Variants in AP4E1 observed in about 807,000 individuals in gnomAD.
The protein encoded by AP4E1 is adaptor related protein complex 4 subunit epsilon 1.
AP4E1 carries 56 observed loss-of-function variants against 128.2 expected under a neutral mutation model. That is an observed-to-expected ratio of 0.44 (90% CI 0.35 to 0.55). The LOEUF is 0.55. AP4E1 is among the 20% of genes least tolerant of loss of function. The pLI is 0.00. For synonymous variants in AP4E1, 484 were observed against 473.1 expected, an observed-to-expected ratio of 1.02 and a Z score of -0.30; for missense variants, 1,324 against 1,307.7, an observed-to-expected ratio of 1.01 and a Z score of -0.19.
intron 1 of AP4E1, 31 bp from the exon 2 acceptor site, chr15:50,912,047 A>T (rs772855807): frequency 6.5e-7 from 1 of 1,539,512 alleles, no homozygotes. Context: ...AAGACAGTTA[A>T]TCAAGCATTT....
intron 8 of AP4E1, 140 bp from the exon 9 acceptor site, chr15:50,941,302 T>G: frequency 1.1e-6 from 1 of 914,284 alleles, no homozygotes; most frequent in Non-Finnish European, 1.7e-6. Context: ...AGTAGTAGCG[T>G]TTGTTTCTGT....
intron 17 of AP4E1, among the ~76,000 whole-genome samples, chr15:50,996,133 C>T (rs1204360759): frequency 6.7e-6 from 1 of 149,242 alleles, no homozygotes; most frequent in Non-Finnish European, 1.5e-5. Flanking sequence ...GGATTACAGG[C>T]ATGCGCTACC....
chr15:50,958,769 T>C lies in AP4E1; in HGVS notation c.1826T>C (p.Val609Ala). The change falls in exon 14 of 21, where the codon GTT becomes GCT. Residue 609 changes from valine (V) to alanine (A), a missense_variant. By Grantham distance (64) the Val-to-Ala change is moderately conservative. Transcript: ENST00000261842. ...GAACTTATGAAGAGCTTGCTTCCAGTTGACAGGAGTTGTGAAGACTTGGTG... is the reference window on the plus strand; with the variant it reads ...GAACTTATGAAGAGCTTGCTTCCAGCTGACAGGAGTTGTGAAGACTTGGTG... ...NVELMKSLLP[V>A]DRSCEDLVVD... is the part of the protein sequence containing the mutation. The C allele has an allele frequency of 6.2e-7, 1 of 1,614,182 alleles. No individual in the cohort carries two copies. The highest frequency in any genetic ancestry group is 8.5e-7 in the Non-Finnish European group (1 of 1,180,006).
intron 7 of AP4E1, among the ~76,000 whole-genome samples, chr15:50,931,197 A>G (rs2063831487): frequency 6.6e-6 from 1 of 152,188 alleles, no homozygotes; most frequent in African/African-American, 2.4e-5. Flanking sequence ...GTACCCATGA[A>G]ACACCATCTC....
At chr15:50,948,760 G>A (rs1297504633) in intron 11 of AP4E1, among the ~76,000 whole-genome samples, 2 of 151,782 alleles carry the variant, frequency 1.3e-5, no homozygotes, top group African/African-American at 4.8e-5. Context: ...ATCACCTGAG[G>A]TCGGGAGTTT....
intron 13 of AP4E1, among the ~76,000 whole-genome samples, chr15:50,950,795 T>C (rs978166448): frequency 1.3e-5 from 2 of 152,104 alleles, no homozygotes; most frequent in Non-Finnish European, 2.9e-5. Context: ...TGATAGGCGC[T>C]GGTGTGTGTT....
intron 8 of AP4E1, among the ~76,000 whole-genome samples, chr15:50,938,624 C>T (rs2063941152): frequency 6.6e-6 from 1 of 152,088 alleles, no homozygotes; most frequent in African/African-American, 2.4e-5. Context: ...GTAATTTTCC[C>T]CTCTTTGTGG....
chr15:50,924,171 A>G (rs1394993325), intron 4 of AP4E1, among the ~76,000 whole-genome samples, 167 bp downstream of exon 4: 1 of 152,216 alleles, frequency 6.6e-6, no homozygotes, highest in Admixed American at 6.5e-5. Context: ...GAGTTAAATA[A>G]TAGAACTTAC....
In AP4E1 at chr15:50,958,822, A is replaced by C. The variant is rs367776526; in HGVS notation, c.1851+28A>C. On this transcript the variant is annotated intron_variant, in intron 14 of 20. Transcript: ENST00000261842. ...AAGACATTGGTGTTCCATCTTTTTA[A>C]AAATTGCGTTGTCATTAAACAGAGT... The C allele has an allele frequency of 4.2e-5, 67 of 1,609,486 alleles. No individual in the cohort carries two copies. The African/African-American group carries it at 8.5e-4, about 21-fold the overall frequency.
intron 13 of AP4E1, among the ~76,000 whole-genome samples, chr15:50,950,384 T>G (rs1428434917): frequency 6.6e-6 from 1 of 152,214 alleles, no homozygotes; most frequent in Non-Finnish European, 1.5e-5. Context: ...TTTACTTGTC[T>G]CTTTGTGTTT....
intron 7 of AP4E1, among the ~76,000 whole-genome samples, chr15:50,931,631 G>A (rs2063837702): frequency 6.6e-6 from 1 of 151,918 alleles, no homozygotes; most frequent in African/African-American, 2.4e-5. Flanking sequence ...GTTGTTTTTT[G>A]CATCTATTCG....
At position 50,997,893 on chromosome 15, in the gene AP4E1, A is replaced by G; in HGVS notation, c.2904+10A>G. ...TGCAGAAAATTTCAAGGTAAAATTT[A>G]AAGGTATTATTGTTTTATTTTCAGT... On this transcript the variant is annotated intron_variant, in intron 18 of 20. Coordinates refer to ENST00000261842, the MANE Select transcript of AP4E1 (RefSeq NM_007347.5). 6.3e-7 allele frequency: 1 copy of G among 1,583,786 alleles called. No individual in the cohort carries two copies.
chr15:50,975,196 G>C (rs1277034024), intron 15 of AP4E1, among the ~76,000 whole-genome samples: 1 of 152,082 alleles, frequency 6.6e-6, no homozygotes, highest in Non-Finnish European at 1.5e-5. Context: ...ACCTGAGGTC[G>C]GGAGTTCGAG....
At chr15:50,982,308 C>T (rs7170365) in intron 15 of AP4E1, among the ~76,000 whole-genome samples, 65,214 of 151,790 alleles carry the variant, frequency 0.43, 14,239 homozygotes, top group East Asian at 0.59. Context: ...CAACATAAAA[C>T]GGACTATGAT....
At chr15:50,972,294 C>G (rs1175808054) in intron 15 of AP4E1, among the ~76,000 whole-genome samples, 1 of 152,112 alleles carries the variant, frequency 6.6e-6, no homozygotes, top group Non-Finnish European at 1.5e-5. Flanking sequence ...TCACTGCAAC[C>G]TCTGTCTCCC....
intron 5 of AP4E1, among the ~76,000 whole-genome samples, chr15:50,926,067 CT>C (rs1567214609): frequency 6.6e-6 from 1 of 152,048 alleles, no homozygotes; most frequent in Non-Finnish European, 1.5e-5. Context: ...GACTGACTTA[CT>C]TTTCACTGTA....
chr15:50,951,216 C>G (rs1338456325), intron 13 of AP4E1, among the ~76,000 whole-genome samples: 1 of 152,208 alleles, frequency 6.6e-6, no homozygotes, highest in Non-Finnish European at 1.5e-5. Context: ...ACTGTCTCAC[C>G]TGAAGCTTGA....
chr15:50,917,116 T>G (rs892555460), intron 3 of AP4E1, among the ~76,000 whole-genome samples: 1 of 152,208 alleles, frequency 6.6e-6, no homozygotes, highest in Non-Finnish European at 1.5e-5. Context: ...TCTGAAAGAC[T>G]GTATTTGTAG....
chr15:50,968,495 C>T, intron 15 of AP4E1, 118 bp downstream of exon 15: 1 of 873,782 alleles, frequency 1.1e-6, no homozygotes. Context: ...TAATGATTCA[C>T]TTGTGATTTG....
Sources: allele counts gnomAD v4.1 joint callset (sites outside exome capture counted in the v4.1 genomes callset), GRCh38; gene constraint gnomAD v4.1.1; transcripts MANE v1.5; gene names NCBI Gene and HGNC (gene_info 2026-07-23, HGNC 2026-07-21).